DACH1: variants seen among roughly 807,000 people sequenced by gnomAD.
DACH1 encodes the protein dachshund family transcription factor 1, also known as dachshund homolog 1.
In DACH1, 12 loss-of-function variants were observed where a neutral mutation model predicts 54.2. That is an observed-to-expected ratio of 0.22 (90% CI 0.14 to 0.36). DACH1 has a LOEUF of 0.36. Among genes scored for constraint, DACH1 ranks in the 10% least tolerant of loss-of-function variants. The pLI, the probability that DACH1 is intolerant of heterozygous loss-of-function variation, is 1.00. For missense variants in DACH1, 805 were observed against 929.8 expected, an observed-to-expected ratio of 0.87 and a Z score of 1.75; for synonymous variants, 386 against 366.2, an observed-to-expected ratio of 1.05 and a Z score of -0.62.
chr13:71,769,098 T>C (rs1485085835), intron 1 of DACH1, among the ~76,000 whole-genome samples: 1 of 151,788 alleles, frequency 6.6e-6, no homozygotes, highest in Non-Finnish European at 1.5e-5. Flanking sequence ...TCAGTACAAA[T>C]AGTGTGAGTT....
At chr13:71,687,318 T>C (rs905680968) in intron 1 of DACH1, among the ~76,000 whole-genome samples, 1 of 152,130 alleles carries the variant, frequency 6.6e-6, no homozygotes, top group Admixed American at 6.5e-5. Context: ...CACTTGAACA[T>C]TATGGAATCA....
At chr13:71,480,216 A>C (rs2138184297) in intron 7 of DACH1, among the ~76,000 whole-genome samples, 1 of 152,302 alleles carries the variant, frequency 6.6e-6, no homozygotes, top group South Asian at 2.1e-4. Flanking sequence ...GATACGTAAT[A>C]TATTTAAGCG....
chr13:71,552,143 G>A (rs1008416173), intron 6 of DACH1, among the ~76,000 whole-genome samples: 1 of 151,914 alleles, frequency 6.6e-6, no homozygotes, highest in African/African-American at 2.4e-5. Context: ...GACATATCAA[G>A]AAAAAAATCT....
intron 1 of DACH1, among the ~76,000 whole-genome samples, chr13:71,862,528 C>T (rs1180100267): frequency 6.6e-6 from 1 of 151,724 alleles, no homozygotes; most frequent in Non-Finnish European, 1.5e-5. Flanking sequence ...TGTTTTGAGA[C>T]CTTTATTTTT....
chr13:71,448,500 C>T (rs1281495945), intron 10 of DACH1, among the ~76,000 whole-genome samples: 1 of 152,124 alleles, frequency 6.6e-6, no homozygotes, highest in African/African-American at 2.4e-5. Flanking sequence ...TCTTCTAAAA[C>T]CCCCAAAGGA....
At chr13:71,792,357 C>T (rs1886867193) in intron 1 of DACH1, among the ~76,000 whole-genome samples, 1 of 151,834 alleles carries the variant, frequency 6.6e-6, no homozygotes, top group Non-Finnish European at 1.5e-5. Flanking sequence ...CACACACACA[C>T]ACACACACAC....
chr13:71,599,001 A>G (rs972166931), intron 3 of DACH1, among the ~76,000 whole-genome samples: 2 of 152,128 alleles, frequency 1.3e-5, no homozygotes, highest in African/African-American at 4.8e-5. Context: ...AGTTCTTCTT[A>G]TATTTGGATA....
At position 71,714,632 on chromosome 13, in the gene DACH1, T is replaced by A. The variant is rs556880503; in HGVS notation, c.849-32722A>T. 2.0e-5 allele frequency among the ~76,000 whole-genome samples: 3 copies of A among 152,190 alleles called. No individual in the cohort carries two copies. In the East Asian group the frequency reaches 5.8e-4, roughly 29 times the overall value. On this transcript the variant is annotated intron_variant, in intron 1 of 10. Coordinates refer to ENST00000613252, the MANE Select transcript of DACH1 (RefSeq NM_080759.6). ...GGAATTTTATTATATTTAGTAAAGA[T>A]TCCTTATGAAAATATAGGATTAATA...
intron 3 of DACH1, among the ~76,000 whole-genome samples, chr13:71,622,876 C>G (rs1377473404): frequency 6.6e-6 from 1 of 151,430 alleles, no homozygotes; most frequent in African/African-American, 2.4e-5. Flanking sequence ...TTAGAATTAG[C>G]AATATTGAAA....
intron 1 of DACH1, among the ~76,000 whole-genome samples, chr13:71,703,028 T>C (rs1882232295): frequency 1.3e-5 from 2 of 152,236 alleles, no homozygotes; most frequent in African/African-American, 4.8e-5. Flanking sequence ...TTGGTTAGGA[T>C]TTAATCATTT....
At chr13:71,521,388 G>A (rs1029101007) in intron 6 of DACH1, among the ~76,000 whole-genome samples, 9 of 151,982 alleles carry the variant, frequency 5.9e-5, no homozygotes, top group African/African-American at 2.2e-4. Flanking sequence ...GGATATGGAT[G>A]TAGATAGAGA....
At chr13:71,833,942 C>G (rs1164508276) in intron 1 of DACH1, among the ~76,000 whole-genome samples, 4 of 151,920 alleles carry the variant, frequency 2.6e-5, no homozygotes, top group Non-Finnish European at 5.9e-5. Flanking sequence ...AGGGTTGGAA[C>G]TAACTGATCC....
intron 10 of DACH1, among the ~76,000 whole-genome samples, chr13:71,441,522 T>C (rs1874005456): frequency 6.6e-6 from 1 of 152,116 alleles, no homozygotes; most frequent in African/African-American, 2.4e-5. Context: ...AATATATGTC[T>C]GAAATTCAAA....
intron 3 of DACH1, among the ~76,000 whole-genome samples, chr13:71,629,714 A>G (rs1395072830): frequency 6.6e-6 from 1 of 152,186 alleles, no homozygotes; most frequent in Non-Finnish European, 1.5e-5. Context: ...TCATAAATAT[A>G]CATTGGCTAT....
At chr13:71,808,765 A>C (rs1887604870) in intron 1 of DACH1, among the ~76,000 whole-genome samples, 1 of 152,172 alleles carries the variant, frequency 6.6e-6, no homozygotes, top group Non-Finnish European at 1.5e-5. Flanking sequence ...AGACACTTTG[A>C]CCTTCTCTGA....
intron 7 of DACH1, among the ~76,000 whole-genome samples, chr13:71,487,370 A>G (rs1878623677): frequency 6.6e-6 from 1 of 152,142 alleles, no homozygotes; most frequent in South Asian, 2.1e-4. Context: ...AAATGTGTAC[A>G]TTTTAAAGCT....
intron 1 of DACH1, among the ~76,000 whole-genome samples, chr13:71,764,924 C>G (rs1885558521): frequency 6.6e-6 from 1 of 152,016 alleles, no homozygotes; most frequent in African/African-American, 2.4e-5. Flanking sequence ...CCATGCTTCC[C>G]TTTTTTCAAA....
At chr13:71,760,653 A>G (rs1885366569) in intron 1 of DACH1, among the ~76,000 whole-genome samples, 1 of 152,236 alleles carries the variant, frequency 6.6e-6, no homozygotes, top group Non-Finnish European at 1.5e-5. Flanking sequence ...TAATGAAAAA[A>G]TAGATACTGG....
At chr13:71,543,474 T>C (rs1883266475) in intron 6 of DACH1, among the ~76,000 whole-genome samples, 1 of 152,086 alleles carries the variant, frequency 6.6e-6, no homozygotes, top group Non-Finnish European at 1.5e-5. Context: ...AAACTCTTGA[T>C]TCGCATAATG....
Sources: gnomAD v4.1 joint callset for allele counts (sites outside exome capture counted in the v4.1 genomes callset) on GRCh38, gnomAD v4.1.1 for gene constraint, MANE v1.5 for transcripts, NCBI Gene and HGNC (gene_info 2026-07-23, HGNC 2026-07-21) for gene names.